Variants in MOB3B observed in about 807,000 individuals in gnomAD.
The protein encoded by MOB3B is MOB kinase activator 3B.
MOB3B carries 7 observed loss-of-function variants against 18.7 expected under a neutral mutation model. The observed-to-expected ratio is 0.37, with a 90% CI of 0.21 to 0.70. The LOEUF is 0.70. MOB3B is among the 30% of genes least tolerant of loss of function. The pLI is 0.52. For missense variants in MOB3B, 253 were observed against 281.3 expected (o/e 0.90, Z 0.72); for synonymous variants, 111 against 99.9 (o/e 1.11, Z -0.66).
intron 1 of MOB3B, among the ~76,000 whole-genome samples, chr9:27,472,858 A>G (rs75782678): frequency 6.6e-6 from 1 of 152,232 alleles, no homozygotes; most frequent in Non-Finnish European, 1.5e-5. Flanking sequence ...GGCTTAACGT[A>G]GGTGAAAACT....
At chr9:27,457,991 C>T (rs75120864) in intron 1 of MOB3B, among the ~76,000 whole-genome samples, 1 of 152,100 alleles carries the variant, frequency 6.6e-6, no homozygotes, top group Non-Finnish European at 1.5e-5. Flanking sequence ...AAAGAATGAG[C>T]TGAAGGTTGG....
chr9:27,485,542 A>C (rs1819719014), intron 1 of MOB3B, among the ~76,000 whole-genome samples: 1 of 152,218 alleles, frequency 6.6e-6, no homozygotes, highest in Non-Finnish European at 1.5e-5. Context: ...CTCCAATATT[A>C]GCCCCTTTCT....
intron 2 of MOB3B, among the ~76,000 whole-genome samples, chr9:27,372,523 A>T (rs184051407): frequency 2.8e-4 from 42 of 152,320 alleles, no homozygotes; most frequent in Admixed American, 8.5e-4. Context: ...GAAACCTGGC[A>T]AACATGACCT....
At chr9:27,417,159 C>T (rs1174954594) in intron 2 of MOB3B, among the ~76,000 whole-genome samples, 3 of 151,990 alleles carry the variant, frequency 2.0e-5, no homozygotes, top group East Asian at 3.9e-4. Context: ...GTGAGGAGAT[C>T]GAGACCATCC....
intron 2 of MOB3B, among the ~76,000 whole-genome samples, chr9:27,444,661 A>G (rs1011525312): frequency 6.6e-6 from 1 of 152,010 alleles, no homozygotes; most frequent in Non-Finnish European, 1.5e-5. Flanking sequence ...AGCTTAAAAA[A>G]CTCTGTAGCT....
intron 1 of MOB3B, among the ~76,000 whole-genome samples, chr9:27,493,466 C>G (rs1819849817): frequency 6.6e-6 from 1 of 152,088 alleles, no homozygotes; most frequent in Non-Finnish European, 1.5e-5. Context: ...TGGTGAAACC[C>G]TGTCTCTACT....
intron 2 of MOB3B, among the ~76,000 whole-genome samples, chr9:27,363,960 G>T (rs1821309637): frequency 6.6e-6 from 1 of 152,024 alleles, no homozygotes; most frequent in African/African-American, 2.4e-5. Context: ...GCCCAGCCTG[G>T]TCTCAAGCTC....
intron 1 of MOB3B, among the ~76,000 whole-genome samples, chr9:27,466,686 A>G (rs10121017): frequency 0.55 from 84,253 of 151,870 alleles, 23,528 homozygotes; most frequent in Middle Eastern, 0.62. Context: ...CTTATACGGC[A>G]GCAGCAAGAG....
chr9:27,402,510 C>A (rs1262156930), intron 2 of MOB3B, among the ~76,000 whole-genome samples: 1 of 152,088 alleles, frequency 6.6e-6, no homozygotes, highest in Admixed American at 6.5e-5. Flanking sequence ...TATCTCATTG[C>A]CTGGTGTACA....
intron 3 of MOB3B, among the ~76,000 whole-genome samples, chr9:27,333,643 G>A (rs955913828): frequency 6.6e-6 from 1 of 152,166 alleles, no homozygotes; most frequent in African/African-American, 2.4e-5. Context: ...ACTGTGCTTG[G>A]CTTGTATATG....
At chr9:27,524,280 A>G in intron 1 of MOB3B, 1 of 1,541,236 alleles carries the variant, frequency 6.5e-7, no homozygotes, top group Non-Finnish European at 8.7e-7. Context: ...CATGAAGGAA[A>G]ACTCAAAACA....
At position 27,455,592 on chromosome 9, in the gene MOB3B, G is replaced by A; in HGVS notation, c.-42C>T. ...TCCTTTCTTTTGCAGGAAGCGAAAA[G>A]GCACCTGGAACTTTTCAGGGAGAGA... On this transcript the variant is annotated 5_prime_UTR_variant, in exon 2 of 4. Transcript: ENST00000262244. 6.2e-7 allele frequency: 1 copy of A among 1,611,920 alleles called. No homozygotes were observed. The highest frequency in any genetic ancestry group is 1.1e-5 in the South Asian group (1 of 90,808).
chr9:27,392,859 C>G (rs1821746010), intron 2 of MOB3B, among the ~76,000 whole-genome samples: 1 of 152,158 alleles, frequency 6.6e-6, no homozygotes, highest in Non-Finnish European at 1.5e-5. Flanking sequence ...AATGACCTTA[C>G]ATGGATTAAT....
At chr9:27,409,430 TAAC>T (rs1035056019) in intron 2 of MOB3B, among the ~76,000 whole-genome samples, 146 of 152,238 alleles carry the variant, frequency 9.6e-4, no homozygotes, top group Non-Finnish European at 1.1e-3. Context: ...GATAAAAAAA[TAAC>T]AAGTATTGGC....
At chr9:27,441,594 G>C (rs1433029238) in intron 2 of MOB3B, among the ~76,000 whole-genome samples, 1 of 152,168 alleles carries the variant, frequency 6.6e-6, no homozygotes, top group Non-Finnish European at 1.5e-5. Context: ...GACAGAGCAA[G>C]ATTTCATCAT....
intron 1 of MOB3B, among the ~76,000 whole-genome samples, chr9:27,522,232 C>T (rs757833427): frequency 1.0e-5 from 1 of 98,748 alleles, no homozygotes; most frequent in Non-Finnish European, 1.9e-5. Flanking sequence ...CAGAGCAAGA[C>T]CCCGTCTCAC....
At chr9:27,522,501 T>C (rs1820354761) in intron 1 of MOB3B, among the ~76,000 whole-genome samples, 1 of 151,190 alleles carries the variant, frequency 6.6e-6, no homozygotes, top group African/African-American at 2.4e-5. Context: ...AAATATAAGC[T>C]TGTTTTTTAA....
At chr9:27,503,686 G>A (rs973521297) in intron 1 of MOB3B, among the ~76,000 whole-genome samples, 1 of 152,264 alleles carries the variant, frequency 6.6e-6, no homozygotes, top group Admixed American at 6.5e-5. Flanking sequence ...ACCCTGTAAT[G>A]TGCCATCAGA....
intron 1 of MOB3B, among the ~76,000 whole-genome samples, chr9:27,467,327 C>A (rs535122543): frequency 6.6e-6 from 1 of 152,074 alleles, no homozygotes; most frequent in African/African-American, 2.4e-5. Context: ...GGTGCTAATA[C>A]CAATATCACA....
Sources: gnomAD v4.1 joint callset for allele counts (sites outside exome capture counted in the v4.1 genomes callset) on GRCh38, gnomAD v4.1.1 for gene constraint, MANE v1.5 for transcripts, NCBI Gene and HGNC (gene_info 2026-07-23, HGNC 2026-07-21) for gene names.